P4HA2: variants seen among roughly 807,000 people sequenced by gnomAD.
P4HA2 encodes prolyl 4-hydroxylase subunit alpha-2.
In P4HA2, 46 loss-of-function variants were observed where a neutral mutation model predicts 76.9. The ratio of observed to expected loss-of-function variants is 0.60; its 90% confidence interval spans 0.47 to 0.76. The LOEUF (loss-of-function observed/expected upper bound fraction) is 0.76. Among genes scored for constraint, P4HA2 ranks in the 30% least tolerant of loss-of-function variants. P4HA2 has a pLI of 0.00. For synonymous variants in P4HA2, 243 were observed against 254.0 expected, an observed-to-expected ratio of 0.96 and a Z score of 0.41; for missense variants, 583 against 669.4, an observed-to-expected ratio of 0.87 and a Z score of 1.42.
rs771999255 is a variant in P4HA2 at position 132,217,199 on chromosome 5, G to A, written c.329C>T (p.Ala110Val). ...LEDLVLQDSA[A>V]GFIANLSVQR... ...AGCACCTGCTCACCGTCCCTCACCT[G>A]CAGCTGAGTCCTGCAGGACAAGGTC... Residue 110 changes from alanine to valine, a missense_variant and splice_region_variant, in exon 4 of 15, where the codon GCA becomes GTA. Coordinates refer to ENST00000360568, the MANE Select transcript of P4HA2 (RefSeq NM_001017974.2). 6.2e-7 allele frequency: 1 copy of A among 1,613,780 alleles called. No individual in the cohort carries two copies. Among genetic ancestry groups the A allele is most frequent in the South Asian group, 1.1e-5 (1 of 91,012 alleles).
At chr5:132,203,545 A>G in intron 10 of P4HA2, 1 of 576,392 alleles carries the variant, frequency 1.7e-6, no homozygotes, top group Non-Finnish European at 3.1e-6. Flanking sequence ...GCAGATGCTC[A>G]ATAGATATTT....
At chr5:132,225,062 A>AC (rs1345090036) in intron 1 of P4HA2, among the ~76,000 whole-genome samples, 3 of 151,866 alleles carry the variant, frequency 2.0e-5, no homozygotes, top group South Asian at 2.1e-4. Context: ...AAAAAAAAAA[A>AC]AAAAAAACTG....
At chr5:132,218,472 C>G in intron 2 of P4HA2, 73 bp downstream of exon 2, 1 of 1,047,672 alleles carries the variant, frequency 9.5e-7, no homozygotes, top group East Asian at 2.5e-5. Context: ...TAAATGAGAA[C>G]AGGCTGCAGC....
chr5:132,210,397 C>T lies in P4HA2; in HGVS notation c.596G>A (p.Gly199Glu), dbSNP rs1752913218. The change falls in exon 6 of 15, where the codon GGG becomes GAG. Residue 199 changes from glycine to glutamate, a missense_variant. Coordinates refer to ENST00000360568, the MANE Select transcript of P4HA2 (RefSeq NM_001017974.2). ...TGACTTGGTTGTGGTGGCCTCCTCC[C>T]CGGCATCAAGCTGCTTTAGCACCTG... ...MEQVLKQLDA[G>E]EEATTTKSQV... 3 of 1,614,094 alleles carry T rather than the reference C, an allele frequency of 1.9e-6. No homozygotes were observed. Among genetic ancestry groups the T allele is most frequent in the Non-Finnish European group, 2.5e-6 (3 of 1,180,002 alleles).
At chr5:132,226,636 G>GT (rs1288040451) in intron 1 of P4HA2, 1 of 152,306 alleles carries the variant, frequency 6.6e-6, no homozygotes, top group Non-Finnish European at 1.5e-5. Flanking sequence ...TGCCCGGATA[G>GT]TTTTTTGTAT....
At chr5:132,203,467 CAAG>C (rs1160878132) in intron 10 of P4HA2, 2 of 423,302 alleles carry the variant, frequency 4.7e-6, no homozygotes, top group African/African-American at 2.0e-5. Context: ...CTTCTGTTGT[CAAG>C]AAGACATGAA....
rs751303435 is a variant in P4HA2, at chr5:132,209,244, G to GTCTGA, written c.792_796dup (p.Thr266IlefsTer7). The stretch of plus-strand genomic sequence containing the variant: ...TTCTGGGGTTGCTAGCTCAGCTTCT[G>GTCTGA]TCTGATTTGTTAACGTTTTTTCTCT... On this transcript the variant is annotated frameshift_variant, in exon 7 of 15. Coordinates refer to ENST00000360568, the MANE Select transcript of P4HA2 (RefSeq NM_001017974.2). LOFTEE classifies it high-confidence loss of function. 6.2e-7 allele frequency: 1 copy of GTCTGA among 1,614,002 alleles called. No homozygotes were observed. Among genetic ancestry groups the GTCTGA allele is most frequent in the Non-Finnish European group, 8.5e-7 (1 of 1,179,888 alleles).
In P4HA2 at chr5:132,191,469, G is replaced by A. The variant is rs1253362652; in HGVS notation, c.*1541C>T. Among the ~76,000 whole-genome samples, 1 of 136,234 alleles carries A rather than the reference G, an allele frequency of 7.3e-6. No homozygotes were observed. Among genetic ancestry groups the A allele is most frequent in the Non-Finnish European group, 1.5e-5 (1 of 66,102 alleles). The allele number at this position is 136,234 out of a possible 152,430, so 89.4% of individuals were successfully genotyped here. ...GGAGCTTGCAGTGAGCCGAGATCCCGCCACTGCACTCCAGCCTGGGCGACA... is the reference window on the plus strand; with the variant it reads ...GGAGCTTGCAGTGAGCCGAGATCCCACCACTGCACTCCAGCCTGGGCGACA... On this transcript the variant is annotated 3_prime_UTR_variant, in exon 15 of 15. Coordinates refer to ENST00000360568, the MANE Select transcript of P4HA2 (RefSeq NM_001017974.2).
intron 6 of P4HA2, among the ~76,000 whole-genome samples, 155 bp from the exon 7 acceptor site, chr5:132,209,486 T>C (rs535499276): frequency 6.6e-6 from 1 of 152,296 alleles, no homozygotes; most frequent in East Asian, 1.9e-4. Context: ...TGGTCGTAAC[T>C]GGAAAACCAA....
intron 12 of P4HA2, among the ~76,000 whole-genome samples, chr5:132,197,711 G>T (rs1750862726): frequency 6.6e-6 from 1 of 151,460 alleles, no homozygotes. Flanking sequence ...AAAGACAAGT[G>T]TTAATACTTT....
Position 132,204,070 on chromosome 5 carries a change from C to A in P4HA2, c.1151+12G>T. ...GGGCTTGAGCAGCTACGAACCCCTGCTCTTTGCTTACCTTTTGGAAACCCG... is the reference window on the plus strand; with the variant it reads ...GGGCTTGAGCAGCTACGAACCCCTGATCTTTGCTTACCTTTTGGAAACCCG... On this transcript the variant is annotated intron_variant, in intron 9 of 14. Transcript: ENST00000360568. 6.2e-7 allele frequency: 1 copy of A among 1,608,642 alleles called. No individual in the cohort carries two copies. The highest frequency in any genetic ancestry group is 8.5e-7 in the Non-Finnish European group (1 of 1,174,906).
At chr5:132,211,551 A>G (rs1472798563) in intron 5 of P4HA2, among the ~76,000 whole-genome samples, 3 of 152,210 alleles carry the variant, frequency 2.0e-5, no homozygotes, top group Admixed American at 2.0e-4. Flanking sequence ...GTGGCTCAGG[A>G]ACCAATAACG....
At chr5:132,210,880 T>A (rs565693734) in intron 5 of P4HA2, among the ~76,000 whole-genome samples, 1 of 151,934 alleles carries the variant, frequency 6.6e-6, no homozygotes, top group East Asian at 1.9e-4. Context: ...GTTTGCCATA[T>A]GAGTCTAGAG....
At chr5:132,209,476 T>C (rs1734788915) in intron 6 of P4HA2, 145 bp from the exon 7 acceptor site, 1 of 701,648 alleles carries the variant, frequency 1.4e-6, no homozygotes, top group Non-Finnish European at 2.4e-6. Context: ...CAGAGTACGC[T>C]GGTCGTAACT....
intron 7 of P4HA2, 74 bp from the exon 8 acceptor site, chr5:132,207,958 C>A: frequency 8.4e-7 from 1 of 1,188,102 alleles, no homozygotes; most frequent in Non-Finnish European, 1.2e-6. Flanking sequence ...TGTCTGCAGA[C>A]ACTGGACTCA....
At chr5:132,227,681 C>G (rs1451437636) in intron 1 of P4HA2, 109 bp downstream of exon 1, 1 of 152,804 alleles carries the variant, frequency 6.5e-6, no homozygotes, top group Non-Finnish European at 1.5e-5. Flanking sequence ...CGGATCCGGC[C>G]CCGGCCCCTA....
At chr5:132,195,052 T>TC in intron 13 of P4HA2, 30 bp from the exon 14 acceptor site, 4 of 1,411,510 alleles carry the variant, frequency 2.8e-6, no homozygotes, top group Non-Finnish European at 4.0e-6. Flanking sequence ...TCAGAACACA[T>TC]TCTTAAGAGA....
chr5:132,218,951 G>C (rs987839600), intron 1 of P4HA2, among the ~76,000 whole-genome samples: 1 of 152,124 alleles, frequency 6.6e-6, no homozygotes, highest in African/African-American at 2.4e-5. Flanking sequence ...GTCAGCTCGG[G>C]TTCCAATGGT....
At chr5:132,212,474 C>CAGAG (rs1753220032) in intron 5 of P4HA2, among the ~76,000 whole-genome samples, 2 of 152,214 alleles carry the variant, frequency 1.3e-5, no homozygotes, top group Non-Finnish European at 2.9e-5. Flanking sequence ...CTTAGGCAGC[C>CAGAG]AGAGGATGGA....
Sources: allele counts gnomAD v4.1 joint callset (sites outside exome capture counted in the v4.1 genomes callset), GRCh38; gene constraint gnomAD v4.1.1; transcripts MANE v1.5; gene names NCBI Gene and HGNC (gene_info 2026-07-23, HGNC 2026-07-21).